The following MYRIP variants were observed in gnomAD, a reference collection of about 807,000 sequenced individuals.
The protein encoded by MYRIP is myosin VIIA and Rab interacting protein, also known as rab effector MyRIP.
A neutral mutation model predicts 98.0 loss-of-function variants in MYRIP; 49 were observed. The ratio of observed to expected loss-of-function variants is 0.50; its 90% confidence interval spans 0.40 to 0.63. The LOEUF (loss-of-function observed/expected upper bound fraction) is 0.63. MYRIP is among the 30% of genes least tolerant of loss of function. The probability of loss-of-function intolerance (pLI) is 0.00; values close to 1 mark genes in which losing one functional copy is unlikely to be tolerated. For missense variants in MYRIP, 1,004 were observed against 1,058.2 expected (o/e 0.95, Z 0.71); for synonymous variants, 404 against 409.5 (o/e 0.99, Z 0.16).
intron 12 of MYRIP, among the ~76,000 whole-genome samples, chr3:40,239,712 G>A (rs1952937743): frequency 6.7e-6 from 1 of 149,604 alleles, no homozygotes. Flanking sequence ...CTTCTTTTGA[G>A]AAGTGTCTGT....
At chr3:39,904,317 C>T (rs756798438) in intron 2 of MYRIP, among the ~76,000 whole-genome samples, 2 of 152,240 alleles carry the variant, frequency 1.3e-5, no homozygotes, top group African/African-American at 4.8e-5. Context: ...CACGATGCAA[C>T]CTCTGTCTCC....
At chr3:39,826,019 A>G (rs1223117011) in intron 1 of MYRIP, among the ~76,000 whole-genome samples, 1 of 151,918 alleles carries the variant, frequency 6.6e-6, no homozygotes, top group Non-Finnish European at 1.5e-5. Context: ...GGTGATATCC[A>G]TTGTGACATC....
intron 11 of MYRIP, among the ~76,000 whole-genome samples, chr3:40,231,958 A>G (rs897289870): frequency 6.6e-6 from 1 of 152,224 alleles, no homozygotes; most frequent in African/African-American, 2.4e-5. Context: ...GGTTCTTGCC[A>G]AAATTATTTT....
At chr3:40,244,663 A>G in intron 13 of MYRIP, 56 bp downstream of exon 13, 22 of 1,514,046 alleles carry the variant, frequency 1.5e-5, no homozygotes, top group Non-Finnish European at 1.9e-5. Flanking sequence ...AGGGAGCCCC[A>G]TGTTCTACAA....
chr3:40,103,747 A>C (rs1237887643), intron 3 of MYRIP, among the ~76,000 whole-genome samples: 2 of 152,216 alleles, frequency 1.3e-5, no homozygotes, highest in Non-Finnish European at 2.9e-5. Context: ...CAACAAGAGC[A>C]AAACTCTGTC....
chr3:40,107,291 CCTCCAGCTTGGTTTA>C (rs1559403314), intron 3 of MYRIP, among the ~76,000 whole-genome samples: 1 of 152,180 alleles, frequency 6.6e-6, no homozygotes, highest in African/African-American at 2.4e-5. Flanking sequence ...CACTTTATGG[CCTCCAGCTTGGTTTA>C]ATGCTCTGCT....
At chr3:39,832,674 G>C (rs563568107) in intron 1 of MYRIP, among the ~76,000 whole-genome samples, 1 of 152,300 alleles carries the variant, frequency 6.6e-6, no homozygotes, top group East Asian at 1.9e-4. Flanking sequence ...TGGAAGGAAA[G>C]AAATAATTTT....
At chr3:39,995,823 C>A (rs1005219344) in intron 2 of MYRIP, among the ~76,000 whole-genome samples, 5 of 152,196 alleles carry the variant, frequency 3.3e-5, no homozygotes, top group African/African-American at 9.7e-5. Flanking sequence ...GCCCATCAGA[C>A]TAACAGCTGA....
rs531919667 is a variant in MYRIP, at chr3:39,823,176, C to G, written c.-31+13260C>G. ...CTGGGATTACAGGTGCCTGCCACCACGCCCAGCAAATTTTTGTATTCTTAG... is the reference window on the plus strand; with the variant it reads ...CTGGGATTACAGGTGCCTGCCACCAGGCCCAGCAAATTTTTGTATTCTTAG... On this transcript the variant is annotated intron_variant, in intron 1 of 16. Coordinates refer to ENST00000302541, the MANE Select transcript of MYRIP (RefSeq NM_015460.4). 5.7e-4 allele frequency among the ~76,000 whole-genome samples: 87 copies of G among 151,980 alleles called. 1 individual carries two copies. Among genetic ancestry groups the G allele is most frequent in the Non-Finnish European group, 2.2e-4 (15 of 67,984 alleles).
At chr3:39,940,200 T>G (rs5009026) in intron 2 of MYRIP, among the ~76,000 whole-genome samples, 31,650 of 151,986 alleles carry the variant, frequency 0.21, 5,068 homozygotes, top group African/African-American at 0.45. Flanking sequence ...GCTATTTTTT[T>G]GTGCATGCAT....
chr3:39,900,952 C>A, intron 2 of MYRIP, 26 bp downstream of exon 2: 2 of 1,562,258 alleles, frequency 1.3e-6, no homozygotes, highest in Non-Finnish European at 8.8e-7. Flanking sequence ...TGCTCAGCAG[C>A]GTACAGCAAA....
Position 39,853,114 on chromosome 3 carries a change from T to G in MYRIP, c.-31+43198T>G, listed in dbSNP as rs550395345. ...TTCTTTTTTATGGTTGAGAAGTATT[T>G]CATAGCATATGTATACTACATTTTC... On this transcript the variant is annotated intron_variant, in intron 1 of 16. Transcript: ENST00000302541. Among the ~76,000 whole-genome samples, 51 of 152,292 alleles carry G rather than the reference T, an allele frequency of 3.3e-4. No homozygotes were observed. In the South Asian group the frequency reaches 1.0e-2, roughly 30 times the overall value.
chr3:39,991,580 A>G (rs188697639), intron 2 of MYRIP, among the ~76,000 whole-genome samples: 1 of 149,050 alleles, frequency 6.7e-6, no homozygotes, highest in Admixed American at 6.6e-5. Context: ...CTGTCCTCTT[A>G]TTGTTTATCT....
At chr3:40,138,092 A>T (rs992488838) in intron 3 of MYRIP, among the ~76,000 whole-genome samples, 1 of 152,262 alleles carries the variant, frequency 6.6e-6, no homozygotes, top group Non-Finnish European at 1.5e-5. Context: ...GTCACCATAG[A>T]ATCTCCAAGA....
At position 40,190,321 on chromosome 3, in the gene MYRIP, C is replaced by T. The variant is rs1010215407; in HGVS notation, c.1523C>T (p.Ser508Leu). ...CCCCAGTTGGCCAGCAGGGAGACCT[C>T]GGACAGCAGCGAGCCGGAGGAGGCC... is the stretch of plus-strand genomic sequence containing the variant. ...FNPQLASRET[S>L]DSSEPEEAPH... is the part of the protein sequence containing the mutation. Residue 508 changes from serine (S) to leucine (L), a missense_variant, in exon 10 of 17, where the codon TCG becomes TTG. Ser to Leu is a moderately radical substitution (Grantham distance 145). Coordinates refer to ENST00000302541, the MANE Select transcript of MYRIP (RefSeq NM_015460.4). The T allele has an allele frequency of 1.2e-5, 19 of 1,613,846 alleles. No individual in the cohort carries two copies. The highest frequency in any genetic ancestry group is 3.3e-4 in the Middle Eastern group (2 of 6,084).
chr3:39,878,728 A>G (rs1446791349), intron 1 of MYRIP, among the ~76,000 whole-genome samples: 2 of 151,994 alleles, frequency 1.3e-5, no homozygotes, highest in Non-Finnish European at 1.5e-5. Flanking sequence ...TTTGTAGCAA[A>G]TTGACTTTGA....
At chr3:39,973,085 C>T (rs1945637582) in intron 2 of MYRIP, among the ~76,000 whole-genome samples, 1 of 152,022 alleles carries the variant, frequency 6.6e-6, no homozygotes, top group Middle Eastern at 3.4e-3. Context: ...CTAAATGCCC[C>T]AATTAAAAGA....
intron 2 of MYRIP, among the ~76,000 whole-genome samples, chr3:39,930,614 A>G (rs1313963034): frequency 6.6e-6 from 1 of 151,944 alleles, no homozygotes; most frequent in East Asian, 1.9e-4. Flanking sequence ...CAAGGTTGTA[A>G]AGATTTACAT....
intron 2 of MYRIP, among the ~76,000 whole-genome samples, chr3:39,942,192 G>A (rs1944801598): frequency 6.6e-6 from 1 of 152,128 alleles, no homozygotes; most frequent in African/African-American, 2.4e-5. Context: ...AGTTGGAAAT[G>A]TGTGTTCAGT....
Sources: gnomAD v4.1 joint callset for allele counts (sites outside exome capture counted in the v4.1 genomes callset) on GRCh38, gnomAD v4.1.1 for gene constraint, MANE v1.5 for transcripts, NCBI Gene and HGNC (gene_info 2026-07-23, HGNC 2026-07-21) for gene names.